SLC30A8: variants seen among roughly 807,000 people sequenced by gnomAD.
SLC30A8 encodes the protein proton-coupled zinc antiporter SLC30A8.
In SLC30A8, 27 loss-of-function variants were observed where a neutral mutation model predicts 36.9. The ratio of observed to expected loss-of-function variants is 0.73; its 90% CI spans 0.54 to 1.01. The LOEUF (loss-of-function observed/expected upper bound fraction) is 1.01. SLC30A8 is among the 50% of genes least tolerant of loss of function. The pLI is 0.00. For missense variants in SLC30A8, 439 were observed against 452.0 expected, an observed-to-expected ratio of 0.97 and a Z score of 0.26; for synonymous variants, 164 against 172.4, an observed-to-expected ratio of 0.95 and a Z score of 0.38.
At chr8:117,025,425 T>G (rs1263349303) in intron 1 of SLC30A8, among the ~76,000 whole-genome samples, 1 of 152,248 alleles carries the variant, frequency 6.6e-6, no homozygotes, top group Non-Finnish European at 1.5e-5. Flanking sequence ...GTGAAATTCT[T>G]GAATGATTAA....
intron 4 of SLC30A8, among the ~76,000 whole-genome samples, chr8:117,159,176 A>G (rs572541254): frequency 6.7e-6 from 1 of 150,078 alleles, no homozygotes; most frequent in East Asian, 2.0e-4. Flanking sequence ...GACCTCCAGA[A>G]CTATAATAAG....
chr8:116,978,237 T>TA lies in SLC30A8; in HGVS notation c.-266+27119dup, dbSNP rs745570741. ...GGTACCTTGCATATTGTATTTTTTT[T>TA]AGTCAGTGTTTGATATTATTATTAA... On this transcript the variant is annotated intron_variant, in intron 1 of 10. Transcript: ENST00000427715. Among the ~76,000 whole-genome samples, 96 of 152,298 alleles carry TA rather than the reference T, an allele frequency of 6.3e-4. 1 individual carries two copies. The highest frequency in any genetic ancestry group is 1.2e-3 in the Non-Finnish European group (85 of 68,018).
chr8:117,098,962 A>T (rs1819590961), intron 2 of SLC30A8, among the ~76,000 whole-genome samples: 1 of 152,252 alleles, frequency 6.6e-6, no homozygotes, highest in Non-Finnish European at 1.5e-5. Context: ...TTACTTGGGT[A>T]CACAGAGGTT....
Position 117,093,025 on chromosome 8 carries a change from C to T in SLC30A8, c.-225-42255C>T, listed in dbSNP as rs1038700424. On this transcript the variant is annotated intron_variant, in intron 2 of 10. Transcript: ENST00000427715. ...GGGCTACTAGCCTGTCTCACTACTT[C>T]CTAGTCTATCCTTACCAGGGGCTGG... Among the ~76,000 whole-genome samples the T allele has an allele frequency of 1.3e-4, 20 of 152,070 alleles. 1 individual carries two copies. The highest frequency in any genetic ancestry group is 2.6e-4 in the Non-Finnish European group (18 of 68,020).
intron 2 of SLC30A8, among the ~76,000 whole-genome samples, chr8:117,113,278 TG>T (rs1397336497): frequency 3.3e-5 from 5 of 152,150 alleles, no homozygotes; most frequent in African/African-American, 1.2e-4. Context: ...AATGAACTAG[TG>T]GTTTAGAAGA....
intron 1 of SLC30A8, among the ~76,000 whole-genome samples, chr8:116,975,516 T>G (rs1176930636): frequency 6.6e-6 from 1 of 152,078 alleles, no homozygotes; most frequent in African/African-American, 2.4e-5. Flanking sequence ...GCTGGAAGGG[T>G]CATGAGCATT....
Position 117,040,170 on chromosome 8 carries a change from G to A in SLC30A8, c.-226+912G>A, listed in dbSNP as rs562246114. On this transcript the variant is annotated intron_variant, in intron 2 of 10. Transcript: ENST00000427715. ...TTTCCTGAGAGCTTGTGACTAGTTC[G>A]GAATACAGAGGAGCTCTTAGATATC... 8.5e-5 allele frequency among the ~76,000 whole-genome samples: 13 copies of A among 152,268 alleles called. No homozygotes were observed. In the East Asian group the frequency reaches 2.3e-3, roughly 27 times the overall value.
chr8:117,081,980 C>T (rs939875931), intron 2 of SLC30A8, among the ~76,000 whole-genome samples: 1 of 152,092 alleles, frequency 6.6e-6, no homozygotes, highest in Non-Finnish European at 1.5e-5. Context: ...AAGTAGTAGC[C>T]CAGCCTCAGT....
intron 5 of SLC30A8, 142 bp downstream of exon 5, chr8:117,162,030 C>A: frequency 1.6e-6 from 1 of 639,256 alleles, no homozygotes; most frequent in Non-Finnish European, 2.5e-6. Flanking sequence ...CAAGCAAACA[C>A]TCAACCATGG....
intron 1 of SLC30A8, among the ~76,000 whole-genome samples, chr8:116,999,936 T>C (rs1815954053): frequency 6.6e-6 from 1 of 152,210 alleles, no homozygotes; most frequent in African/African-American, 2.4e-5. Context: ...AAAAGTTTTC[T>C]GTTCATGAGA....
intron 6 of SLC30A8, chr8:117,163,850 A>T: frequency 5.4e-6 from 1 of 184,220 alleles, no homozygotes; most frequent in Middle Eastern, 2.1e-3. Flanking sequence ...ACATAAGTTT[A>T]CCCCCCAGGC....
intron 5 of SLC30A8, among the ~76,000 whole-genome samples, chr8:117,162,842 A>G (rs1822862024): frequency 6.6e-6 from 1 of 152,222 alleles, no homozygotes; most frequent in Non-Finnish European, 1.5e-5. Context: ...AGAAAAGCAG[A>G]CATTTCACCC....
intron 2 of SLC30A8, among the ~76,000 whole-genome samples, chr8:117,059,531 C>T (rs1437046660): frequency 2.0e-5 from 3 of 152,152 alleles, no homozygotes; most frequent in African/African-American, 7.2e-5. Flanking sequence ...GGCAACCCTC[C>T]TTTCCTTGGG....
intron 1 of SLC30A8, among the ~76,000 whole-genome samples, chr8:116,993,793 T>C (rs1815726146): frequency 6.6e-6 from 1 of 151,746 alleles, no homozygotes; most frequent in South Asian, 2.1e-4. Context: ...CAGCAGAAAA[T>C]ATCCGATCTG....
chr8:117,146,734 T>C (rs1821913156), intron 1 of SLC30A8: 1 of 1,096,202 alleles, frequency 9.1e-7, no homozygotes, highest in Admixed American at 3.1e-5. Flanking sequence ...AATAAGAGTT[T>C]GACTGAATAA....
chr8:117,153,723 GGTGTGTGTGT>G (rs59464276), intron 3 of SLC30A8, among the ~76,000 whole-genome samples: 16 of 147,002 alleles, frequency 1.1e-4, no homozygotes, highest in African/African-American at 3.2e-4. Flanking sequence ...CATGATAAGG[GGTGTGTGTGT>G]GTGTGTGTGT....
Position 117,097,914 on chromosome 8 carries a change from TTAAA to T in SLC30A8, c.-225-37359_-225-37356del, listed in dbSNP as rs1266714614. On this transcript the variant is annotated intron_variant, in intron 2 of 10. Transcript: ENST00000427715. The stretch of plus-strand genomic sequence containing the variant: ...TATATATTATATATAATATATAATT[TTAAA>T]TAAATATATATATTATATATAATAT... 9.9e-5 allele frequency among the ~76,000 whole-genome samples: 10 copies of T among 100,836 alleles called. 1 individual carries two copies. The highest frequency in any genetic ancestry group is 8.2e-4 in the East Asian group (3 of 3,654). 66.2% of individuals were successfully genotyped at this position (100,836 alleles called of 152,430 possible).
intron 5 of SLC30A8, 93 bp downstream of exon 5, chr8:117,161,981 C>T: frequency 3.7e-6 from 4 of 1,093,932 alleles, no homozygotes; most frequent in East Asian, 2.6e-5. Context: ...GAATGGGCAT[C>T]CTCTGTTTAC....
intron 1 of SLC30A8, among the ~76,000 whole-genome samples, chr8:117,002,711 TCTC>T (rs781093472): frequency 1.3e-5 from 2 of 152,102 alleles, no homozygotes; most frequent in Non-Finnish European, 2.9e-5. Flanking sequence ...TTCAAGCAAT[TCTC>T]CTGCCTCAGC....
Sources: gnomAD v4.1 joint callset for allele counts (sites outside exome capture counted in the v4.1 genomes callset) on GRCh38, gnomAD v4.1.1 for gene constraint, MANE v1.5 for transcripts, NCBI Gene and HGNC (gene_info 2026-07-23, HGNC 2026-07-21) for gene names.